Variants in DPYSL5 observed in about 807,000 individuals in gnomAD.
DPYSL5 encodes dihydropyrimidinase like 5, also known as dihydropyrimidinase-related protein 5.
In DPYSL5, 9 loss-of-function variants were observed where a neutral mutation model predicts 58.4. The observed-to-expected ratio is 0.15, with a 90% CI of 0.09 to 0.27. The LOEUF (loss-of-function observed/expected upper bound fraction) is 0.27. DPYSL5 is among the 10% of genes least tolerant of loss of function. DPYSL5 has a pLI of 1.00. For missense variants in DPYSL5, 499 were observed against 770.6 expected, an observed-to-expected ratio of 0.65 and a Z score of 4.17; for synonymous variants, 293 against 301.9, an observed-to-expected ratio of 0.97 and a Z score of 0.31.
rs1342633119 is a variant in DPYSL5 at position 26,927,387 on chromosome 2, G to A, written c.555G>A (p.Gly185=). 1 of 1,614,096 alleles carries A rather than the reference G, an allele frequency of 6.2e-7. No homozygotes were observed. Among genetic ancestry groups the A allele is most frequent in the Non-Finnish European group, 8.5e-7 (1 of 1,180,050 alleles). Residue 185 remains glycine, a synonymous_variant, in exon 4 of 13, where the codon GGG becomes GGA. Coordinates refer to ENST00000288699, the MANE Select transcript of DPYSL5 (RefSeq NM_020134.4). This position sits in a 1 kb window ranked among gnomAD's most constrained non-coding sequence, Gnocchi z 4.3. ...YQVLHACKDI[G]AIARVHAENG... ...TGTTGCACGCTTGCAAGGACATTGG[G>A]GCAATCGCCCGCGTCCATGCTGAAA...
At chr2:26,935,691 C>CAAAAAA (rs60367850) in intron 8 of DPYSL5, among the ~76,000 whole-genome samples, 2 of 122,700 alleles carry the variant, frequency 1.6e-5, no homozygotes, top group Admixed American at 8.5e-5. Context: ...GACTCCATCT[C>CAAAAAA]AAAAAAAAAA....
Position 26,927,449 on chromosome 2 carries a change from G to A in DPYSL5, c.600+17G>A. The A allele has an allele frequency of 1.9e-6, 3 of 1,612,522 alleles. No individual in the cohort carries two copies. In the African/African-American group the frequency reaches 4.0e-5, roughly 22 times the overall value. ...GTGGCCGAGGCAAGTCTGCAGCCAA[G>A]AATATTGGATGGAGGGACACCAGTG... On this transcript the variant is annotated intron_variant, in intron 4 of 12. Coordinates refer to ENST00000288699, the MANE Select transcript of DPYSL5 (RefSeq NM_020134.4). The surrounding 1 kb of genome is among the most constrained non-coding windows in gnomAD (Gnocchi z 4.3).
In DPYSL5 at chr2:26,944,945, G is replaced by C. The variant is rs756981912; in HGVS notation, c.1609+121G>C. 10 of 966,288 alleles carry C rather than the reference G, an allele frequency of 1.0e-5. No individual in the cohort carries two copies. The highest frequency in any genetic ancestry group is 1.4e-5 in the Non-Finnish European group (9 of 653,032). 59.9% of individuals were successfully genotyped at this position (966,288 alleles called of 1,614,324 possible). A position where few individuals can be genotyped will look rare whatever the true frequency, so the allele number is the denominator to read the frequency against. On this transcript the variant is annotated intron_variant, in intron 12 of 12. Transcript: ENST00000288699. This position sits in a 1 kb window ranked among gnomAD's most constrained non-coding sequence, Gnocchi z 4.4. The stretch of plus-strand genomic sequence containing the variant: ...TCCTCCCTCCCGTTGCCTATTTCCA[G>C]GGATGAGTGCTGGTTTGGATATTAG...
intron 2 of DPYSL5, among the ~76,000 whole-genome samples, chr2:26,909,689 C>A (rs1664384256): frequency 6.6e-6 from 1 of 151,954 alleles, no homozygotes; most frequent in Non-Finnish European, 1.5e-5. Context: ...AGTTTGAGCT[C>A]ACTTGAGCTC....
chr2:26,945,617 G>A (rs1039988398), intron 12 of DPYSL5, among the ~76,000 whole-genome samples: 1 of 152,080 alleles, frequency 6.6e-6, no homozygotes, highest in African/African-American at 2.4e-5. Context: ...GGTGGCTTAG[G>A]TGGGAACTGT....
At chr2:26,932,151 G>T (rs1191814633) in intron 6 of DPYSL5, among the ~76,000 whole-genome samples, 3 of 46,826 alleles carry the variant, frequency 6.4e-5, no homozygotes, top group Non-Finnish European at 1.3e-4. Flanking sequence ...AAGAAAGAAA[G>T]AAAGAAAGAA....
chr2:26,919,135 C>T (rs1167500093), intron 2 of DPYSL5, among the ~76,000 whole-genome samples: 1 of 152,166 alleles, frequency 6.6e-6, no homozygotes, highest in East Asian at 1.9e-4. Context: ...GCAAATAAAT[C>T]TTATCTGAAG....
chr2:26,849,261 G>A lies in DPYSL5; in HGVS notation c.-5+1007G>A, dbSNP rs1665683097. ...GGATGCAGGCGGGTGGAGGCCGCCT[G>A]GGTTTGAGGAGGGAGGACGGGAGCG... is the stretch of plus-strand genomic sequence containing the variant. On this transcript the variant is annotated intron_variant, in intron 1 of 12. Coordinates refer to ENST00000288699, the MANE Select transcript of DPYSL5 (RefSeq NM_020134.4). This position sits in a 1 kb window ranked among gnomAD's most constrained non-coding sequence, Gnocchi z 6.2. Among the ~76,000 whole-genome samples the A allele has an allele frequency of 6.6e-6, 1 of 151,954 alleles. No individual in the cohort carries two copies. The highest frequency in any genetic ancestry group is 6.5e-5 in the Admixed American group (1 of 15,282).
Position 26,877,007 on chromosome 2 carries a change from C to T in DPYSL5, c.-4-21489C>T, listed in dbSNP as rs534331642. Reference sequence around the variant, plus strand: ...TTGAGAACGAAGTCTCGCTCTTGTCCCCTGGCTGGAGTGCAATGGCGTGAT... The same window carrying T: ...TTGAGAACGAAGTCTCGCTCTTGTCTCCTGGCTGGAGTGCAATGGCGTGAT... On this transcript the variant is annotated intron_variant, in intron 1 of 12. Transcript: ENST00000288699. The surrounding 1 kb of genome is among the most constrained non-coding windows in gnomAD (Gnocchi z 4.1). Among the ~76,000 whole-genome samples the T allele has an allele frequency of 3.3e-5, 5 of 149,356 alleles. No individual in the cohort carries two copies. The South Asian group carries it at 1.1e-3, about 32-fold the overall frequency.
chr2:26,908,609 G>T (rs948382697), intron 2 of DPYSL5, among the ~76,000 whole-genome samples: 1 of 152,314 alleles, frequency 6.6e-6, no homozygotes, highest in Non-Finnish European at 1.5e-5. Context: ...TGACCAAGCA[G>T]CTCCTCAACT....
intron 2 of DPYSL5, among the ~76,000 whole-genome samples, chr2:26,899,196 C>G (rs962402869): frequency 2.0e-5 from 3 of 152,152 alleles, no homozygotes; most frequent in Admixed American, 2.0e-4. Flanking sequence ...GAGACAGCTT[C>G]TATTACCTCT....
At chr2:26,946,785 A>T (rs1033925665) in intron 12 of DPYSL5, 125 bp from the exon 13 acceptor site, 5 of 660,866 alleles carry the variant, frequency 7.6e-6, no homozygotes, top group Non-Finnish European at 1.1e-5. Context: ...CATCTATAAG[A>T]TGGGATGGAG....
chr2:26,945,693 A>G (rs1336578830), intron 12 of DPYSL5, among the ~76,000 whole-genome samples: 1 of 152,192 alleles, frequency 6.6e-6, no homozygotes, highest in African/African-American at 2.4e-5. Flanking sequence ...CCTTCAGGAT[A>G]AGCCCAGAGA....
At chr2:26,922,016 T>C (rs1437656823) in intron 2 of DPYSL5, among the ~76,000 whole-genome samples, 1 of 152,166 alleles carries the variant, frequency 6.6e-6, no homozygotes, top group Non-Finnish European at 1.5e-5. Flanking sequence ...CTCTGGACTT[T>C]AGGGTCCTCT....
In DPYSL5 at chr2:26,925,869, G is replaced by C. The variant is rs1664817999; in HGVS notation, c.420+824G>C. Among the ~76,000 whole-genome samples the C allele has an allele frequency of 6.6e-6, 1 of 152,130 alleles. No individual in the cohort carries two copies. The highest frequency in any genetic ancestry group is 6.6e-5 in the Admixed American group (1 of 15,264). On this transcript the variant is annotated intron_variant, in intron 3 of 12. Coordinates refer to ENST00000288699, the MANE Select transcript of DPYSL5 (RefSeq NM_020134.4). This position sits in a 1 kb window ranked among gnomAD's most constrained non-coding sequence, Gnocchi z 4.5. ...CCCATGTACCAGTACTTTGGTGGGT[G>C]CCCCAGAATCATAAAAATAATAAGC... is the stretch of plus-strand genomic sequence containing the variant.
At position 26,947,108 on chromosome 2, in the gene DPYSL5, G is replaced by A; in HGVS notation, c.*113G>A. On this transcript the variant is annotated 3_prime_UTR_variant, in exon 13 of 13. Coordinates refer to ENST00000288699, the MANE Select transcript of DPYSL5 (RefSeq NM_020134.4). The surrounding 1 kb of genome is among the most constrained non-coding windows in gnomAD (Gnocchi z 4.2). ...GGCTGGGTGGCACACCACCCGAGGG[G>A]GGCCCCGGGACCCACGGAGCCCTCC... 2 of 887,572 alleles carry A rather than the reference G, an allele frequency of 2.3e-6. No homozygotes were observed. The highest frequency in any genetic ancestry group is 3.5e-6 in the Non-Finnish European group (2 of 566,896). 55.0% of individuals were successfully genotyped at this position (887,572 alleles called of 1,614,324 possible).
chr2:26,941,185 G>T (rs144633042), intron 9 of DPYSL5, among the ~76,000 whole-genome samples: 1 of 151,940 alleles, frequency 6.6e-6, no homozygotes, highest in African/African-American at 2.4e-5. Context: ...TGATCCGCCC[G>T]TCTTGGCCTC....
At position 26,944,968 on chromosome 2, in the gene DPYSL5, T is replaced by C. The variant is rs1010468799; in HGVS notation, c.1609+144T>C. Reference sequence around the variant, plus strand: ...CAGGGATGAGTGCTGGTTTGGATATTAGACTCACATAGACATTAGTGGGGA... The same window carrying C: ...CAGGGATGAGTGCTGGTTTGGATATCAGACTCACATAGACATTAGTGGGGA... On this transcript the variant is annotated intron_variant, in intron 12 of 12. Coordinates refer to ENST00000288699, the MANE Select transcript of DPYSL5 (RefSeq NM_020134.4). This position sits in a 1 kb window ranked among gnomAD's most constrained non-coding sequence, Gnocchi z 4.4. 7.8e-6 allele frequency: 6 copies of C among 771,862 alleles called. No homozygotes were observed. The highest frequency in any genetic ancestry group is 1.8e-5 in the African/African-American group (1 of 57,086). The allele number at this position is 771,862 out of a possible 1,614,324, so 47.8% of individuals were successfully genotyped here.
At chr2:26,900,382 G>A (rs941344595) in intron 2 of DPYSL5, among the ~76,000 whole-genome samples, 3 of 152,136 alleles carry the variant, frequency 2.0e-5, no homozygotes, top group Non-Finnish European at 2.9e-5. Context: ...ATGTACCTTC[G>A]CATTGGCTTC....
Sources: allele counts gnomAD v4.1 joint callset (sites outside exome capture counted in the v4.1 genomes callset), GRCh38; gene constraint gnomAD v4.1.1; non-coding constraint Gnocchi (gnomAD v3.1); transcripts MANE v1.5; gene names NCBI Gene and HGNC (gene_info 2026-07-23, HGNC 2026-07-21).